EBF1: variants seen among roughly 807,000 people sequenced by gnomAD.
EBF1 encodes the protein EBF transcription factor 1.
In EBF1, 10 loss-of-function variants were observed where a neutral mutation model predicts 68.4. That is an observed-to-expected ratio of 0.15 (90% CI 0.09 to 0.25). The LOEUF (loss-of-function observed/expected upper bound fraction) is 0.25. Among genes scored for constraint, EBF1 ranks in the 10% least tolerant of loss-of-function variants. The probability of loss-of-function intolerance (pLI) is 1.00; values close to 1 mark genes in which losing one functional copy is unlikely to be tolerated. For missense variants in EBF1, 509 were observed against 794.4 expected, an observed-to-expected ratio of 0.64 and a Z score of 4.32; for synonymous variants, 298 against 299.8, an observed-to-expected ratio of 0.99 and a Z score of 0.06.
At chr5:158,866,438 T>C (rs2128045741) in intron 6 of EBF1, among the ~76,000 whole-genome samples, 1 of 152,298 alleles carries the variant, frequency 6.6e-6, no homozygotes, top group East Asian at 1.9e-4. Flanking sequence ...ACAGCTCTGA[T>C]CGGGTACTGT....
intron 6 of EBF1, among the ~76,000 whole-genome samples, chr5:158,951,126 G>C (rs1489571705): frequency 6.6e-6 from 1 of 152,142 alleles, no homozygotes; most frequent in African/African-American, 2.4e-5. Context: ...AATTCATGTG[G>C]CACTAAATCA....
intron 6 of EBF1, among the ~76,000 whole-genome samples, chr5:158,868,470 G>GT (rs1367752494): frequency 1.3e-5 from 2 of 152,134 alleles, no homozygotes. Context: ...TTTTGGGTTT[G>GT]TTTGTTTTTT....
At chr5:158,951,624 G>A (rs1816016463) in intron 6 of EBF1, among the ~76,000 whole-genome samples, 1 of 152,138 alleles carries the variant, frequency 6.6e-6, no homozygotes. Flanking sequence ...AGGCCCTAGT[G>A]CATGAAATAT....
intron 10 of EBF1, among the ~76,000 whole-genome samples, chr5:158,756,405 C>G (rs1216080119): frequency 6.6e-5 from 10 of 152,014 alleles, no homozygotes; most frequent in Admixed American, 3.9e-4. Flanking sequence ...TCACTGAACT[C>G]TGTTGGGACA....
intron 6 of EBF1, among the ~76,000 whole-genome samples, chr5:158,946,637 T>G (rs1047009525): frequency 1.3e-5 from 2 of 151,996 alleles, no homozygotes; most frequent in Non-Finnish European, 2.9e-5. Context: ...TGCTGGGAGG[T>G]GTCTCTCCAT....
intron 14 of EBF1, 140 bp from the exon 15 acceptor site, chr5:158,708,313 G>T: frequency 1.2e-6 from 1 of 806,218 alleles, no homozygotes; most frequent in East Asian, 2.7e-5. Context: ...CCCTGAATTC[G>T]CAGGCTCTCA....
chr5:158,967,983 G>A lies in EBF1; in HGVS notation c.554+105413C>T, dbSNP rs73816850. ...AAATCTAGAAGACCTGTCTTGAAAT[G>A]TGGGTTAAAATATGCAACTCAAACA... On this transcript the variant is annotated intron_variant, in intron 6 of 15. Coordinates refer to ENST00000313708, the MANE Select transcript of EBF1 (RefSeq NM_024007.5). Among the ~76,000 whole-genome samples the A allele has an allele frequency of 3.9e-3, 589 of 152,292 alleles. 2 individuals are homozygous for A. The highest frequency in any genetic ancestry group is 0.013 in the African/African-American group (536 of 41,548).
chr5:158,974,684 T>C (rs901303200), intron 6 of EBF1, among the ~76,000 whole-genome samples: 1 of 152,198 alleles, frequency 6.6e-6, no homozygotes, highest in African/African-American at 2.4e-5. Context: ...ATGAAAACTA[T>C]TTACCCAAAA....
intron 14 of EBF1, among the ~76,000 whole-genome samples, chr5:158,711,431 C>T (rs879541488): frequency 3.3e-5 from 5 of 152,116 alleles, no homozygotes; most frequent in Non-Finnish European, 7.4e-5. Context: ...TCCATGTGTC[C>T]GGCATCAGGA....
In EBF1 at chr5:159,079,214, C is replaced by G. The variant is rs368106305; in HGVS notation, c.485+5452G>C. On this transcript the variant is annotated intron_variant, in intron 5 of 15. Coordinates refer to ENST00000313708, the MANE Select transcript of EBF1 (RefSeq NM_024007.5). ...TCACACTAACTCAAGTACCTGAGCT[C>G]ACAGGTCCGTCTCATTCTGCCTTAC... Among the ~76,000 whole-genome samples, 6 of 152,196 alleles carry G rather than the reference C, an allele frequency of 3.9e-5. No individual in the cohort carries two copies. In the East Asian group the frequency reaches 1.2e-3, roughly 29 times the overall value.
chr5:158,839,246 A>G (rs1789608429), intron 7 of EBF1, among the ~76,000 whole-genome samples: 1 of 152,236 alleles, frequency 6.6e-6, no homozygotes, highest in African/African-American at 2.4e-5. Context: ...AGGGCCATTT[A>G]TAATAGGCAG....
rs1248345137 is a variant in EBF1 at position 158,783,473 on chromosome 5, G to T, written c.910-5934C>A. On this transcript the variant is annotated intron_variant, in intron 9 of 15. Coordinates refer to ENST00000313708, the MANE Select transcript of EBF1 (RefSeq NM_024007.5). ...TCTCCAACTGCTCAACAATAAAAAT[G>T]CATTAATACTATATTCATAAGAAAT... Among the ~76,000 whole-genome samples, 5 of 152,242 alleles carry T rather than the reference G, an allele frequency of 3.3e-5. No homozygotes were observed. In the East Asian group the frequency reaches 7.7e-4, roughly 24 times the overall value.
rs534516021 is a variant in EBF1 at position 158,697,134 on chromosome 5, G to A, written c.*1977C>T. On this transcript the variant is annotated 3_prime_UTR_variant, in exon 16 of 16. Transcript: ENST00000313708. ...CTCCCTAGAATTTAATGCACAAAATGCGTCACTCCAAAGGGAGAGATTCCA... is the reference window on the plus strand; with the variant it reads ...CTCCCTAGAATTTAATGCACAAAATACGTCACTCCAAAGGGAGAGATTCCA... 9.9e-4 allele frequency: 191 copies of A among 193,092 alleles called. No homozygotes were observed. The highest frequency in any genetic ancestry group is 4.3e-3 in the African/African-American group (187 of 43,172). 12.0% of individuals were successfully genotyped at this position (193,092 alleles called of 1,614,324 possible).
intron 6 of EBF1, among the ~76,000 whole-genome samples, chr5:158,949,072 T>C (rs1240992275): frequency 6.6e-6 from 1 of 152,232 alleles, no homozygotes; most frequent in Non-Finnish European, 1.5e-5. Flanking sequence ...CTTCCTTTTT[T>C]ATACTAGACA....
At chr5:159,047,080 G>A (rs1186671946) in intron 6 of EBF1, among the ~76,000 whole-genome samples, 2 of 152,188 alleles carry the variant, frequency 1.3e-5, no homozygotes, top group Non-Finnish European at 2.9e-5. Context: ...TGAGTGTCAG[G>A]AGGAATAGAA....
Position 159,096,476 on chromosome 5 carries a change from T to C in EBF1, c.292-70A>G, listed in dbSNP as rs147322864. 638 of 1,553,816 alleles carry C rather than the reference T, an allele frequency of 4.1e-4. 1 individual carries two copies. In the African/African-American group the frequency reaches 7.8e-3, roughly 19 times the overall value. On this transcript the variant is annotated intron_variant, in intron 2 of 15. Transcript: ENST00000313708. Reference sequence around the variant, plus strand: ...GGTCTGCGTGAGCGAGTGGACCAACTTTCGAGGCAACTTTCCCCAAGCCGG... The same window carrying C: ...GGTCTGCGTGAGCGAGTGGACCAACCTTCGAGGCAACTTTCCCCAAGCCGG...
At chr5:158,915,335 C>A (rs925762750) in intron 6 of EBF1, among the ~76,000 whole-genome samples, 1 of 152,180 alleles carries the variant, frequency 6.6e-6, no homozygotes, top group African/African-American at 2.4e-5. Context: ...TGGCTCAAAA[C>A]ACAAATTTAC....
At chr5:158,839,592 A>C (rs191199014) in intron 7 of EBF1, among the ~76,000 whole-genome samples, 103 of 152,254 alleles carry the variant, frequency 6.8e-4, no homozygotes, top group African/African-American at 2.4e-3. Flanking sequence ...CATGTTGGCC[A>C]GGCTGGTCTT....
chr5:159,094,165 C>CAAAAAAAAAAAA (rs869228922), intron 4 of EBF1, among the ~76,000 whole-genome samples: 5 of 21,874 alleles, frequency 2.3e-4, no homozygotes, highest in African/African-American at 5.5e-4. Context: ...CCTTGGAAGG[C>CAAAAAAAAAAAA]AAAAAAAAAA....
Sources: gnomAD v4.1 joint callset for allele counts (sites outside exome capture counted in the v4.1 genomes callset) on GRCh38, gnomAD v4.1.1 for gene constraint, MANE v1.5 for transcripts, NCBI Gene and HGNC (gene_info 2026-07-23, HGNC 2026-07-21) for gene names.